The following RBFOX1 variants were observed in gnomAD, a reference collection of about 807,000 sequenced individuals.
RBFOX1 encodes the protein RNA binding fox-1 homolog 1, also known as RNA binding protein fox-1 homolog 1.
Under a neutral mutation model 57.7 loss-of-function variants are expected in RBFOX1, and 8 were observed. That is an observed-to-expected ratio of 0.14 (90% confidence interval 0.08 to 0.25). The LOEUF is 0.25. Ranked by LOEUF, RBFOX1 falls within the 10% of genes least tolerant of loss-of-function variation. The pLI is 1.00. For missense variants in RBFOX1, 611 were observed against 548.5 expected (o/e 1.11, Z -1.14); for synonymous variants, 326 against 222.4 (o/e 1.47, Z -4.15).
intron 1 of RBFOX1, among the ~76,000 whole-genome samples, chr16:5,341,153 G>C (rs1472798279): frequency 6.6e-6 from 1 of 152,142 alleles, no homozygotes; most frequent in East Asian, 1.9e-4. Context: ...GGATGAGTAA[G>C]GGGGGAGTAG....
intron 3 of RBFOX1, among the ~76,000 whole-genome samples, chr16:6,805,675 A>G (rs774384860): frequency 9.2e-5 from 14 of 152,288 alleles, no homozygotes; most frequent in Admixed American, 3.9e-4. Context: ...GAATGCTGAA[A>G]ACATGTGAAA....
intron 4 of RBFOX1, among the ~76,000 whole-genome samples, chr16:7,339,532 C>G (rs971538349): frequency 1.3e-5 from 2 of 152,114 alleles, no homozygotes; most frequent in African/African-American, 2.4e-5. Flanking sequence ...CTCCACCTGC[C>G]AAGTTCAAGT....
At chr16:6,563,781 G>A (rs1363775377) in intron 2 of RBFOX1, among the ~76,000 whole-genome samples, 2 of 151,950 alleles carry the variant, frequency 1.3e-5, no homozygotes, top group Non-Finnish European at 2.9e-5. Context: ...AGCTGAGACT[G>A]AGCCACTGCA....
intron 1 of RBFOX1, among the ~76,000 whole-genome samples, chr16:6,158,075 G>T (rs191436529): frequency 6.6e-6 from 1 of 152,232 alleles, no homozygotes; most frequent in South Asian, 2.1e-4. Context: ...AACTAGGAGC[G>T]GGGAGATTCC....
chr16:5,460,770 C>G (rs774952357), intron 1 of RBFOX1, among the ~76,000 whole-genome samples: 6 of 152,202 alleles, frequency 3.9e-5, no homozygotes, highest in Non-Finnish European at 8.8e-5. Context: ...GAAGATGCCT[C>G]TGAGTGATGA....
At chr16:5,635,427 A>G (rs2048652677) in intron 3 of RBFOX1, among the ~76,000 whole-genome samples, 1 of 152,210 alleles carries the variant, frequency 6.6e-6, no homozygotes, top group South Asian at 2.1e-4. Flanking sequence ...TTCCTCATGG[A>G]GTTAAGCTGA....
At chr16:6,791,291 C>G (rs1320713496) in intron 3 of RBFOX1, among the ~76,000 whole-genome samples, 5 of 152,112 alleles carry the variant, frequency 3.3e-5, no homozygotes, top group Admixed American at 3.3e-4. Flanking sequence ...AATTGCTTTT[C>G]TTTTTTAATA....
chr16:7,242,620 A>G (rs1302303110), intron 4 of RBFOX1, among the ~76,000 whole-genome samples: 10 of 152,190 alleles, frequency 6.6e-5, no homozygotes, highest in Admixed American at 2.0e-4. Context: ...TTCCATGGTG[A>G]CAGCTGCAGG....
chr16:7,382,212 A>T (rs1424353835), intron 4 of RBFOX1, among the ~76,000 whole-genome samples: 3 of 152,196 alleles, frequency 2.0e-5, no homozygotes, highest in Non-Finnish European at 4.4e-5. Flanking sequence ...ATTTCAGTAA[A>T]CTAATTAAAC....
intron 3 of RBFOX1, among the ~76,000 whole-genome samples, chr16:6,728,971 G>C: frequency 6.6e-6 from 1 of 152,172 alleles, no homozygotes; most frequent in African/African-American, 2.4e-5. Context: ...AGTCAAAGTA[G>C]TGTCACTTTA....
intron 4 of RBFOX1, among the ~76,000 whole-genome samples, chr16:7,457,239 G>C (rs967392159): frequency 6.6e-6 from 1 of 152,014 alleles, no homozygotes; most frequent in Non-Finnish European, 1.5e-5. Context: ...GCAAGCAGTG[G>C]CTCCAGATAT....
At chr16:6,231,820 G>A (rs1598609850) in intron 1 of RBFOX1, among the ~76,000 whole-genome samples, 1 of 133,384 alleles carries the variant, frequency 7.5e-6, no homozygotes, top group African/African-American at 2.8e-5. Flanking sequence ...GAAAAATTCT[G>A]TAGCTTTCCA....
intron 1 of RBFOX1, among the ~76,000 whole-genome samples, chr16:6,157,998 C>A (rs911589579): frequency 6.6e-6 from 1 of 152,132 alleles, no homozygotes; most frequent in East Asian, 1.9e-4. Flanking sequence ...ATTGGCTGAA[C>A]CTGGTCATGT....
At chr16:6,220,001 A>G (rs1286168624) in intron 1 of RBFOX1, among the ~76,000 whole-genome samples, 2 of 152,186 alleles carry the variant, frequency 1.3e-5, no homozygotes, top group Admixed American at 6.5e-5. Flanking sequence ...TGTGTGTATC[A>G]TCCATCATCT....
chr16:6,633,963 G>A (rs1422734577), intron 2 of RBFOX1, among the ~76,000 whole-genome samples: 1 of 152,104 alleles, frequency 6.6e-6, no homozygotes. Context: ...TACCATAAGC[G>A]ATGACCGCAC....
chr16:6,415,751 C>G (rs1451390031), intron 2 of RBFOX1, among the ~76,000 whole-genome samples: 2 of 152,222 alleles, frequency 1.3e-5, no homozygotes, highest in East Asian at 3.9e-4. Context: ...GTGTGCAGAG[C>G]TCCAATATGT....
chr16:7,229,640 G>A (rs2093363385), intron 4 of RBFOX1, among the ~76,000 whole-genome samples: 1 of 112,632 alleles, frequency 8.9e-6, no homozygotes, highest in Admixed American at 8.9e-5. Context: ...GGAAGGGAAG[G>A]AAGGGAGAGA....
intron 4 of RBFOX1, among the ~76,000 whole-genome samples, chr16:7,308,548 A>T (rs893702529): frequency 9.9e-5 from 15 of 152,202 alleles, no homozygotes; most frequent in Non-Finnish European, 1.3e-4. Flanking sequence ...ATATTCGAAG[A>T]TTGGTAATTT....
intron 2 of RBFOX1, among the ~76,000 whole-genome samples, chr16:6,404,734 C>T (rs2093212569): frequency 6.6e-6 from 1 of 152,096 alleles, no homozygotes; most frequent in South Asian, 2.1e-4. Context: ...CTTTCCTGAG[C>T]TGAAGATCTC....
Sources: allele counts gnomAD v4.1 joint callset (sites outside exome capture counted in the v4.1 genomes callset), GRCh38; gene constraint gnomAD v4.1.1; transcripts MANE v1.5; gene names NCBI Gene and HGNC (gene_info 2026-07-23, HGNC 2026-07-21).